The following SPON1 variants were observed in gnomAD, a reference collection of about 807,000 sequenced individuals.
The protein encoded by SPON1 is spondin 1, also known as spondin-1.
Under a neutral mutation model 111.7 loss-of-function variants are expected in SPON1, and 52 were observed. That is an observed-to-expected ratio of 0.47 (90% CI 0.37 to 0.59). The LOEUF (loss-of-function observed/expected upper bound fraction) is 0.59, where lower values mean the gene tolerates loss of function less well. Among genes scored for constraint, SPON1 ranks in the 20% least tolerant of loss-of-function variants. SPON1 has a pLI of 0.00. For synonymous variants in SPON1, 410 were observed against 395.8 expected (o/e 1.04, Z -0.43); for missense variants, 957 against 1,068.5 (o/e 0.90, Z 1.46).
At chr11:14,194,853 A>T (rs1194570702) in intron 6 of SPON1, among the ~76,000 whole-genome samples, 1 of 152,212 alleles carries the variant, frequency 6.6e-6, no homozygotes, top group African/African-American at 2.4e-5. Context: ...TGTAGGAGGA[A>T]ATCCTAAATT....
At chr11:14,263,052 TTAAAAA>T in intron 15 of SPON1, 77 bp downstream of exon 15, 1 of 1,252,734 alleles carries the variant, frequency 8.0e-7, no homozygotes, top group Non-Finnish European at 1.0e-6. Flanking sequence ...TTGGACCTGT[TTAAAAA>T]AAAAAAAAAA....
intron 14 of SPON1, 143 bp from the exon 15 acceptor site, chr11:14,262,569 G>A (rs1321447892): frequency 1.8e-6 from 2 of 1,120,010 alleles, no homozygotes; most frequent in Non-Finnish European, 2.5e-6. Context: ...CCTCTTTGGA[G>A]CCTCAGTTTC....
intron 5 of SPON1, among the ~76,000 whole-genome samples, chr11:14,087,548 G>A (rs1554922805): frequency 1.3e-5 from 2 of 152,130 alleles, no homozygotes; most frequent in East Asian, 3.8e-4. Flanking sequence ...ATTTTCTGAG[G>A]AGTGTTTTAC....
chr11:14,052,260 AGCTAGC>A (rs1554918680), intron 3 of SPON1, among the ~76,000 whole-genome samples: 1 of 152,264 alleles, frequency 6.6e-6, no homozygotes, highest in Non-Finnish European at 1.5e-5. Context: ...AGAAGCAATT[AGCTAGC>A]ACTCATAATA....
chr11:14,102,901 T>C (rs1361465029), intron 5 of SPON1, among the ~76,000 whole-genome samples: 3 of 152,224 alleles, frequency 2.0e-5, no homozygotes, highest in African/African-American at 7.2e-5. Flanking sequence ...TCTTTGAGAA[T>C]ATGTATTGTG....
chr11:13,996,577 T>C (rs1848273777), intron 2 of SPON1, among the ~76,000 whole-genome samples: 2 of 152,018 alleles, frequency 1.3e-5, no homozygotes, highest in Non-Finnish European at 2.9e-5. Context: ...TGTTATAAAA[T>C]ACAGAAAAGG....
At chr11:14,162,157 C>CAA (rs72139147) in intron 6 of SPON1, among the ~76,000 whole-genome samples, 2,106 of 112,504 alleles carry the variant, frequency 0.019, 58 homozygotes, top group African/African-American at 0.058. Flanking sequence ...GACTCTGTCT[C>CAA]AAAAAAAAAA....
chr11:14,007,404 GATAGGAAGAATCCAGCATGGGAGAA>G (rs1848370491), intron 2 of SPON1, among the ~76,000 whole-genome samples: 3 of 152,324 alleles, frequency 2.0e-5, no homozygotes, highest in African/African-American at 7.2e-5. Flanking sequence ...GATGTTCAAG[GATAGGAAGAATCCAGCATGGGAGAA>G]AGATGTAGTC....
At chr11:14,196,343 A>G (rs192626910) in intron 6 of SPON1, among the ~76,000 whole-genome samples, 1 of 152,308 alleles carries the variant, frequency 6.6e-6, no homozygotes, top group African/African-American at 2.4e-5. Flanking sequence ...GTGACAACTA[A>G]CGAGTATGGA....
At chr11:14,163,846 C>T (rs187858937) in intron 6 of SPON1, among the ~76,000 whole-genome samples, 1,976 of 152,058 alleles carry the variant, frequency 0.013, 35 homozygotes, top group South Asian at 0.025. Context: ...TTCCCTCCCC[C>T]GCTTTAGCAA....
At chr11:14,264,798 A>C (rs1849244044) in intron 15 of SPON1, among the ~76,000 whole-genome samples, 1 of 152,200 alleles carries the variant, frequency 6.6e-6, no homozygotes, top group Non-Finnish European at 1.5e-5. Context: ...ATCTAACCTA[A>C]TTAATCTCTG....
At chr11:14,144,495 C>T (rs7940997) in intron 6 of SPON1, among the ~76,000 whole-genome samples, 61,605 of 151,374 alleles carry the variant, frequency 0.41, 12,666 homozygotes, top group East Asian at 0.55. Context: ...CCAGGCGTGG[C>T]GGCAGGCACC....
At chr11:14,206,020 C>T (rs1406675918) in intron 6 of SPON1, among the ~76,000 whole-genome samples, 4 of 152,134 alleles carry the variant, frequency 2.6e-5, no homozygotes, top group African/African-American at 9.7e-5. Flanking sequence ...TAACCCCAGC[C>T]CTCTAAAACC....
At chr11:14,191,664 G>C (rs3935919) in intron 6 of SPON1, among the ~76,000 whole-genome samples, 61,468 of 152,032 alleles carry the variant, frequency 0.4, 12,634 homozygotes, top group East Asian at 0.55. Flanking sequence ...CCCATCAAGA[G>C]AATTGTGATT....
At chr11:13,985,805 C>A (rs1302358697) in intron 2 of SPON1, among the ~76,000 whole-genome samples, 1 of 152,114 alleles carries the variant, frequency 6.6e-6, no homozygotes, top group African/African-American at 2.4e-5. Context: ...AAACACTGTG[C>A]CAGTTTCTTA....
chr11:14,056,553 G>C (rs1188969671), intron 3 of SPON1, among the ~76,000 whole-genome samples: 2 of 152,026 alleles, frequency 1.3e-5, no homozygotes, highest in Non-Finnish European at 2.9e-5. Context: ...AAAACAAAGT[G>C]GTCGTGTTAA....
At chr11:14,083,336 C>T (rs12575049) in intron 5 of SPON1, among the ~76,000 whole-genome samples, 10,926 of 152,062 alleles carry the variant, frequency 0.072, 524 homozygotes, top group South Asian at 0.19. Context: ...TTGAAGTATG[C>T]GGAGAAAATT....
chr11:14,261,166 C>A (rs1849166894), intron 14 of SPON1, among the ~76,000 whole-genome samples: 1 of 152,142 alleles, frequency 6.6e-6, no homozygotes, highest in Admixed American at 6.5e-5. Flanking sequence ...ATCAATGACT[C>A]CTGCAGACTG....
intron 5 of SPON1, among the ~76,000 whole-genome samples, chr11:14,111,516 G>A (rs181204792): frequency 5.9e-5 from 9 of 152,302 alleles, no homozygotes; most frequent in East Asian, 1.9e-4. Flanking sequence ...GAATATGTAC[G>A]TACTAACAAT....
Sources: gnomAD v4.1 joint callset for allele counts (sites outside exome capture counted in the v4.1 genomes callset) on GRCh38, gnomAD v4.1.1 for gene constraint, MANE v1.5 for transcripts, NCBI Gene and HGNC (gene_info 2026-07-23, HGNC 2026-07-21) for gene names.